Variants in FLOT2 observed in about 807,000 individuals in gnomAD.
FLOT2 encodes flotillin 2.
FLOT2 carries 35 observed loss-of-function variants against 54.9 expected under a neutral mutation model. That is an observed-to-expected ratio of 0.64 (90% CI 0.49 to 0.84). The LOEUF (loss-of-function observed/expected upper bound fraction) is 0.84, where lower values mean the gene tolerates loss of function less well. FLOT2 is among the 40% of genes least tolerant of loss of function. FLOT2 has a pLI of 0.00. For synonymous variants in FLOT2, 207 were observed against 228.9 expected (o/e 0.90, Z 0.86); for missense variants, 464 against 572.1 (o/e 0.81, Z 1.93).
At position 28,881,344 on chromosome 17, in the gene FLOT2, C is replaced by T; in HGVS notation, c.946G>A (p.Ala316Thr). 1 of 1,613,288 alleles carries T rather than the reference C, an allele frequency of 6.2e-7. No individual in the cohort carries two copies. The highest frequency in any genetic ancestry group is 8.5e-7 in the Non-Finnish European group (1 of 1,180,034). The change falls in exon 9 of 11, where the codon GCT (alanine) becomes ACT (threonine). Residue 316 changes from alanine (A) to threonine (T), a missense_variant. Ala to Thr is a moderately conservative substitution (Grantham distance 58). Transcript: ENST00000394908. ...VKQVLLAQAE[A>T]EKIRKIGEAE... ...TCCCCGATTTTGCGGATCTTCTCAG[C>T]CTCTGCCTGTGCCAAGAGGACCTGC... is the stretch of plus-strand genomic sequence containing the variant.
At position 28,882,670 on chromosome 17, in the gene FLOT2, A is replaced by G; in HGVS notation, c.368T>C (p.Ile123Thr). 1 of 1,613,040 alleles carries G rather than the reference A, an allele frequency of 6.2e-7. No individual in the cohort carries two copies. Among genetic ancestry groups the G allele is most frequent in the Non-Finnish European group, 8.5e-7 (1 of 1,179,440 alleles). The stretch of plus-strand genomic sequence containing the variant: ...GGCAAACTGGTCCCGGTCCTGATAA[A>G]TCTGCTCCACTGTCAGGGTCCCTGG... ...SILGTLTVEQIYQDRDQFAKL... is the reference protein window; with the variant it reads ...SILGTLTVEQTYQDRDQFAKL... The change falls in exon 5 of 11, where the codon ATT (isoleucine) becomes ACT (threonine). Residue 123 changes from isoleucine to threonine, a missense_variant. Ile to Thr is a moderately conservative substitution (Grantham distance 89). Transcript: ENST00000394908. The surrounding 1 kb of genome is among the most constrained non-coding windows in gnomAD (Gnocchi z 5.6).
Position 28,879,548 on chromosome 17 carries a change from G to A in FLOT2, c.*1013C>T. The A allele has an allele frequency of 1.0e-6, 1 of 985,986 alleles. No individual in the cohort carries two copies. Among genetic ancestry groups the A allele is most frequent in the Non-Finnish European group, 1.2e-6 (1 of 830,102 alleles). 61.1% of individuals were successfully genotyped at this position (985,986 alleles called of 1,614,324 possible). On this transcript the variant is annotated 3_prime_UTR_variant, in exon 11 of 11. Coordinates refer to ENST00000394908, the MANE Select transcript of FLOT2 (RefSeq NM_004475.3). ...GGCTCTTCTGCCTCCATTGGAGCAA[G>A]GAGACAGAGGATTGGGTTGCTTCCC...
In FLOT2 at chr17:28,881,869, G is replaced by A. The variant is rs756020730; in HGVS notation, c.859C>T (p.Arg287Cys). The change falls in exon 8 of 11, where the codon CGC (arginine) becomes TGC (cysteine). Residue 287 changes from arginine to cysteine, a missense_variant. Transcript: ENST00000394908. ...RTDKELIATV[R>C]RPAEAEAHRI... ...TGGGCCTCGGCCTCGGCAGGCCGGCGCACTGTAGCGATGAGCTCCTTGTCC... is the reference window on the plus strand; with the variant it reads ...TGGGCCTCGGCCTCGGCAGGCCGGCACACTGTAGCGATGAGCTCCTTGTCC... 1.9e-5 allele frequency: 30 copies of A among 1,613,468 alleles called. No homozygotes were observed. The highest frequency in any genetic ancestry group is 2.2e-5 in the East Asian group (1 of 44,900).
rs1201590481 is a variant in FLOT2, at chr17:28,883,383, A to G, written c.223-152T>C. Reference sequence around the variant, plus strand: ...GGGCTGGAATCTGTCTGAAGCCTCTAGTGGGGAGACAGCAGCACAAGGGCT... The same window carrying G: ...GGGCTGGAATCTGTCTGAAGCCTCTGGTGGGGAGACAGCAGCACAAGGGCT... On this transcript the variant is annotated intron_variant, in intron 3 of 10. Coordinates refer to ENST00000394908, the MANE Select transcript of FLOT2 (RefSeq NM_004475.3). This position sits in a 1 kb window ranked among gnomAD's most constrained non-coding sequence, Gnocchi z 5.0. The G allele has an allele frequency of 6.6e-6, 6 of 910,194 alleles. No homozygotes were observed. The highest frequency in any genetic ancestry group is 1.7e-5 in the African/African-American group (1 of 60,360). 56.4% of individuals were successfully genotyped at this position (910,194 alleles called of 1,614,324 possible).
In FLOT2 at chr17:28,883,607, CACAG is replaced by C. The variant is rs1205765826; in HGVS notation, c.223-380_223-377del. On this transcript the variant is annotated intron_variant, in intron 3 of 10. Transcript: ENST00000394908. The surrounding 1 kb of genome is among the most constrained non-coding windows in gnomAD (Gnocchi z 5.0). ...TGAGAAGCAGAATGAGCAATAGGGACACAGACAGAGAAGGAAAGAGCCTGGACAG... is the reference window on the plus strand; with the variant it reads ...TGAGAAGCAGAATGAGCAATAGGGACACAGAGAAGGAAAGAGCCTGGACAG... Among the ~76,000 whole-genome samples the C allele has an allele frequency of 6.6e-6, 1 of 152,172 alleles. No individual in the cohort carries two copies. The highest frequency in any genetic ancestry group is 1.9e-4 in the East Asian group (1 of 5,202).
intron 8 of FLOT2, 94 bp from the exon 9 acceptor site, chr17:28,881,469 TGG>T: frequency 7.6e-7 from 1 of 1,313,872 alleles, no homozygotes; most frequent in Non-Finnish European, 1.1e-6. Flanking sequence ...CCCTCTGCTC[TGG>T]GGGCTGTCGG....
intron 1 of FLOT2, among the ~76,000 whole-genome samples, chr17:28,890,049 G>A (rs554099233): frequency 6.6e-6 from 1 of 152,184 alleles, no homozygotes; most frequent in African/African-American, 2.4e-5. Context: ...ACACTGGGGG[G>A]CTGGGAGGGA....
intron 9 of FLOT2, 145 bp downstream of exon 9, chr17:28,881,047 G>GC: frequency 2.0e-6 from 2 of 1,023,334 alleles, no homozygotes; most frequent in Non-Finnish European, 1.4e-6. Context: ...TAGGGTTCCT[G>GC]CCCCCTGCTG....
chr17:28,879,772 C>T lies in FLOT2; in HGVS notation c.*789G>A, dbSNP rs2039416816. The T allele has an allele frequency of 1.0e-6, 1 of 986,146 alleles. No individual in the cohort carries two copies. Among genetic ancestry groups the T allele is most frequent in the Non-Finnish European group, 1.2e-6 (1 of 830,156 alleles). The allele number at this position is 986,146 out of a possible 1,614,324, so 61.1% of individuals were successfully genotyped here. On this transcript the variant is annotated 3_prime_UTR_variant, in exon 11 of 11. Coordinates refer to ENST00000394908, the MANE Select transcript of FLOT2 (RefSeq NM_004475.3). ...GTCCCCAACAGGGCTAGACCCTCAT[C>T]TCAGAAAACTTAGCAGAGTTGGGAC...
intron 2 of FLOT2, among the ~76,000 whole-genome samples, chr17:28,888,076 T>C (rs1374884238): frequency 6.6e-6 from 1 of 152,192 alleles, no homozygotes; most frequent in Non-Finnish European, 1.5e-5. Flanking sequence ...ATTTCCCCTG[T>C]GGGGTGACCG....
In FLOT2 at chr17:28,882,080, C is replaced by G; in HGVS notation, c.699+38G>C. On this transcript the variant is annotated intron_variant, in intron 7 of 10. Coordinates refer to ENST00000394908, the MANE Select transcript of FLOT2 (RefSeq NM_004475.3). The surrounding 1 kb of genome is among the most constrained non-coding windows in gnomAD (Gnocchi z 5.6). Reference sequence around the variant, plus strand: ...TAGAGGCTGGTCACCAAGTCCTGATCCCTGAGCCCCATCCCAGGATGTCCT... The same window carrying G: ...TAGAGGCTGGTCACCAAGTCCTGATGCCTGAGCCCCATCCCAGGATGTCCT... 6.2e-7 allele frequency: 1 copy of G among 1,613,860 alleles called. No homozygotes were observed. The highest frequency in any genetic ancestry group is 1.1e-5 in the South Asian group (1 of 91,070).
chr17:28,884,367 G>T lies in FLOT2; in HGVS notation c.132-52C>A. On this transcript the variant is annotated intron_variant, in intron 2 of 10. Transcript: ENST00000394908. The surrounding 1 kb of genome is among the most constrained non-coding windows in gnomAD (Gnocchi z 5.1). Reference sequence around the variant, plus strand: ...TGGGTCTGGGGGCGCAGGGCCTGGTGGTGTTGGGAAAGAGGCCAGTACCTC... The same window carrying T: ...TGGGTCTGGGGGCGCAGGGCCTGGTTGTGTTGGGAAAGAGGCCAGTACCTC... 1 of 1,262,370 alleles carries T rather than the reference G, an allele frequency of 7.9e-7. No homozygotes were observed. The highest frequency in any genetic ancestry group is 1.1e-6 in the Non-Finnish European group (1 of 881,428). The allele number at this position is 1,262,370 out of a possible 1,614,324, so 78.2% of individuals were successfully genotyped here.
At position 28,879,560 on chromosome 17, in the gene FLOT2, T is replaced by C. The variant is rs528155564; in HGVS notation, c.*1001A>G. The stretch of plus-strand genomic sequence containing the variant: ...TCCATTGGAGCAAGGAGACAGAGGA[T>C]TGGGTTGCTTCCCCATGGCTGGAAC... On this transcript the variant is annotated 3_prime_UTR_variant, in exon 11 of 11. Transcript: ENST00000394908. 2.3e-4 allele frequency: 225 copies of C among 985,850 alleles called. 1 individual carries two copies. In the South Asian group the frequency reaches 8.8e-3, roughly 39 times the overall value. 61.1% of individuals were successfully genotyped at this position (985,850 alleles called of 1,614,324 possible). A position where few individuals can be genotyped will look rare whatever the true frequency, so the allele number is the denominator to read the frequency against.
chr17:28,880,224 AC>A lies in FLOT2; in HGVS notation c.*336del, dbSNP rs1472122721. ...CAGGATTCTGAGGAGCAGCAGGGCCACCCCCCACAGAGAGTGATTGTAATAA... is the reference window on the plus strand; with the variant it reads ...CAGGATTCTGAGGAGCAGCAGGGCCACCCCCACAGAGAGTGATTGTAATAA... On this transcript the variant is annotated 3_prime_UTR_variant, in exon 11 of 11. Transcript: ENST00000394908. 11 of 1,170,282 alleles carry A rather than the reference AC, an allele frequency of 9.4e-6. No individual in the cohort carries two copies. Among genetic ancestry groups the A allele is most frequent in the South Asian group, 2.2e-5 (1 of 45,462 alleles). 72.5% of individuals were successfully genotyped at this position (1,170,282 alleles called of 1,614,324 possible).
chr17:28,885,391 C>G (rs929744671), intron 2 of FLOT2, among the ~76,000 whole-genome samples: 1 of 152,202 alleles, frequency 6.6e-6, no homozygotes, highest in Non-Finnish European at 1.5e-5. Context: ...CGCTGGCACA[C>G]AGGCTCTGAG....
At position 28,882,923 on chromosome 17, in the gene FLOT2, A is replaced by C. The variant is rs1036350283; in HGVS notation, c.346+185T>G. ...GTTCCTGAGCAGACCGACAGCCCCC[A>C]TCCCACCCCTTCACTCATACCCTCT... On this transcript the variant is annotated intron_variant, in intron 4 of 10. Transcript: ENST00000394908. The surrounding 1 kb of genome is among the most constrained non-coding windows in gnomAD (Gnocchi z 5.6). The C allele has an allele frequency of 1.5e-5, 10 of 667,452 alleles. No homozygotes were observed. Among genetic ancestry groups the C allele is most frequent in the Non-Finnish European group, 2.5e-5 (10 of 395,708 alleles). 41.3% of individuals were successfully genotyped at this position (667,452 alleles called of 1,614,324 possible). A position where few individuals can be genotyped will look rare whatever the true frequency, so the allele number is the denominator to read the frequency against.
chr17:28,889,879 C>T (rs1197349686), intron 1 of FLOT2, among the ~76,000 whole-genome samples: 2 of 152,094 alleles, frequency 1.3e-5, no homozygotes, highest in Admixed American at 1.3e-4. Context: ...ACCTTGTGAT[C>T]CACCTGCCTC....
chr17:28,891,179 C>T (rs1299645803), intron 1 of FLOT2, among the ~76,000 whole-genome samples: 1 of 152,168 alleles, frequency 6.6e-6, no homozygotes, highest in African/African-American at 2.4e-5. Flanking sequence ...CCGCGCCTGG[C>T]CGAGCATTAT....
intron 1 of FLOT2, among the ~76,000 whole-genome samples, chr17:28,895,606 A>C (rs1367561939): frequency 6.6e-6 from 1 of 152,160 alleles, no homozygotes; most frequent in Admixed American, 6.5e-5. Flanking sequence ...TGTAGTAGGA[A>C]ACTTTTTGCT....
Sources: allele counts gnomAD v4.1 joint callset (sites outside exome capture counted in the v4.1 genomes callset), GRCh38; gene constraint gnomAD v4.1.1; non-coding constraint Gnocchi (gnomAD v3.1); transcripts MANE v1.5; gene names NCBI Gene and HGNC (gene_info 2026-07-23, HGNC 2026-07-21).